Variants in DZIP1L observed in about 807,000 individuals in gnomAD.
The protein encoded by DZIP1L is DAZ interacting zinc finger protein 1 like.
A neutral mutation model predicts 88.7 loss-of-function variants in DZIP1L; 90 were observed. That is an observed-to-expected ratio of 1.02 (90% confidence interval 0.86 to 1.21). The LOEUF is 1.21. Among genes scored for constraint, DZIP1L ranks in the 50% most tolerant of loss-of-function variants. The pLI, the probability that DZIP1L is intolerant of heterozygous loss-of-function variation, is 0.00. For synonymous variants in DZIP1L, 363 were observed against 372.1 expected (o/e 0.98, Z 0.28); for missense variants, 932 against 955.8 (o/e 0.98, Z 0.33).
intron 10 of DZIP1L, 165 bp downstream of exon 10, chr3:138,080,402 T>A: frequency 1.6e-6 from 1 of 639,026 alleles, no homozygotes; most frequent in Non-Finnish European, 2.6e-6. Flanking sequence ...GCATGTCACA[T>A]GCCTGGCACA....
In DZIP1L at chr3:138,092,382, C is replaced by T. The variant is rs752577915; in HGVS notation, c.870+1G>A. 9.7e-6 allele frequency: 15 copies of T among 1,539,830 alleles called. No homozygotes were observed. The African/African-American group carries it at 1.7e-4, about 17-fold the overall frequency. ...TTTAAAAAGCCTTTTATGTTGGGTACCTCTTCTAGTGTAGAGTTCTGCTTG... is the reference window on the plus strand; with the variant it reads ...TTTAAAAAGCCTTTTATGTTGGGTATCTCTTCTAGTGTAGAGTTCTGCTTG... On this transcript the variant is annotated splice_donor_variant, in intron 5 of 15. Coordinates refer to ENST00000327532, the MANE Select transcript of DZIP1L (RefSeq NM_173543.3). LOFTEE classifies it high-confidence loss of function.
chr3:138,097,909 T>C, intron 2 of DZIP1L, 62 bp from the exon 3 acceptor site: 2 of 1,451,528 alleles, frequency 1.4e-6, no homozygotes, highest in African/African-American at 1.4e-5. Flanking sequence ...CCTGGGATTT[T>C]CCCTATATCA....
intron 12 of DZIP1L, chr3:138,069,060 C>T (rs924541189): frequency 5.6e-5 from 67 of 1,201,766 alleles, no homozygotes; most frequent in African/African-American, 2.3e-4. Flanking sequence ...CCCGAAACAA[C>T]GTGGGGTTGA....
At chr3:138,085,824 A>C (rs1430907986) in intron 7 of DZIP1L, among the ~76,000 whole-genome samples, 7 of 152,226 alleles carry the variant, frequency 4.6e-5, no homozygotes, top group Non-Finnish European at 1.0e-4. Context: ...TTATTGTGGC[A>C]CTATTCACAA....
chr3:138,073,776 C>A (rs1017307855), intron 11 of DZIP1L, among the ~76,000 whole-genome samples: 6 of 151,682 alleles, frequency 4.0e-5, no homozygotes, highest in Admixed American at 2.0e-4. Context: ...AAGGAGGGAC[C>A]AAAGAAAGGT....
chr3:138,088,736 A>T (rs1576471004), intron 5 of DZIP1L: 1 of 1,212,118 alleles, frequency 8.3e-7, no homozygotes, highest in East Asian at 3.8e-5. Context: ...TGGAAGAACA[A>T]ATTAAAGAGT....
intron 2 of DZIP1L, among the ~76,000 whole-genome samples, chr3:138,099,761 T>C (rs544377759): frequency 1.3e-5 from 2 of 152,178 alleles, no homozygotes; most frequent in Non-Finnish European, 2.9e-5. Context: ...TCTCTTGCAA[T>C]GAGCTCTGGA....
rs1287531261 is a variant in DZIP1L at position 138,097,712 on chromosome 3, C to T, written c.586+51G>A. The T allele has an allele frequency of 2.6e-6, 4 of 1,536,646 alleles. No individual in the cohort carries two copies. The Admixed American group carries it at 7.6e-5, about 29-fold the overall frequency. On this transcript the variant is annotated intron_variant, in intron 3 of 15. Coordinates refer to ENST00000327532, the MANE Select transcript of DZIP1L (RefSeq NM_173543.3). ...GGTCACCACCCACTGAATACCAGCC[C>T]CAGCCCTTTCCACAGTCCCAGAAGG...
At chr3:138,104,290 G>C (rs1395260799) in intron 1 of DZIP1L, among the ~76,000 whole-genome samples, 2 of 152,220 alleles carry the variant, frequency 1.3e-5, no homozygotes, top group Non-Finnish European at 2.9e-5. Flanking sequence ...TAAGCCTCCT[G>C]TGTCTAAGGA....
chr3:138,101,414 C>A, intron 2 of DZIP1L: 1 of 707,924 alleles, frequency 1.4e-6, no homozygotes. Context: ...TGCACAGCAG[C>A]CTCCCCCGCT....
chr3:138,099,677 G>C (rs1268556178), intron 2 of DZIP1L, among the ~76,000 whole-genome samples: 1 of 152,118 alleles, frequency 6.6e-6, no homozygotes, highest in Non-Finnish European at 1.5e-5. Flanking sequence ...TTGGGGGTGA[G>C]GGAGTTCTCA....
At chr3:138,096,535 A>G (rs1425789362) in intron 3 of DZIP1L, among the ~76,000 whole-genome samples, 1 of 152,242 alleles carries the variant, frequency 6.6e-6, no homozygotes, top group African/African-American at 2.4e-5. Context: ...ATATGATTAT[A>G]TATGTCTACG....
At chr3:138,077,446 T>C (rs961192418) in intron 11 of DZIP1L, 53 bp downstream of exon 11, 1 of 1,605,682 alleles carries the variant, frequency 6.2e-7, no homozygotes, top group Non-Finnish European at 8.5e-7. Context: ...CTGAGAACAC[T>C]TAGTGTCTAA....
Position 138,092,409 on chromosome 3 carries a change from C to T in DZIP1L, c.844G>A (p.Ala282Thr), listed in dbSNP as rs199809396. The T allele has an allele frequency of 5.8e-5, 92 of 1,599,892 alleles. No homozygotes were observed. Among genetic ancestry groups the T allele is most frequent in the Middle Eastern group, 1.7e-4 (1 of 6,056 alleles). Residue 282 changes from alanine (A) to threonine (T), a missense_variant, in exon 5 of 16, where the codon GCC becomes ACC. Coordinates refer to ENST00000327532, the MANE Select transcript of DZIP1L (RefSeq NM_173543.3). ...KLFWDEFKNV[A>T]KQNSTLEEKL... ...TCTTCTAGTGTAGAGTTCTGCTTGG[C>T]GACATTTTTAAATTCATCCCAAAAT...
At chr3:138,097,716 C>T (rs1266535369) in intron 3 of DZIP1L, 47 bp downstream of exon 3, 4 of 1,547,484 alleles carry the variant, frequency 2.6e-6, no homozygotes, top group Non-Finnish European at 3.5e-6. Context: ...CCAGCCCCAG[C>T]CCTTTCCACA....
intron 15 of DZIP1L, chr3:138,064,276 G>T: frequency 2.0e-6 from 2 of 977,206 alleles, no homozygotes; most frequent in South Asian, 1.7e-5. Flanking sequence ...TGAGGGACTG[G>T]GGAGGAGCCC....
chr3:138,086,660 A>C (rs1347434814), intron 7 of DZIP1L, among the ~76,000 whole-genome samples: 1 of 152,214 alleles, frequency 6.6e-6, no homozygotes, highest in African/African-American at 2.4e-5. Flanking sequence ...AGGTTTATCG[A>C]ACAACCCTCC....
chr3:138,067,388 C>T (rs1942956543), intron 14 of DZIP1L, 143 bp downstream of exon 14: 1 of 965,898 alleles, frequency 1.0e-6, no homozygotes, highest in South Asian at 2.2e-5. Context: ...GAGGACCATC[C>T]TTTCCAAGCC....
At chr3:138,108,692 G>C (rs1466602234) in intron 1 of DZIP1L, among the ~76,000 whole-genome samples, 1 of 152,104 alleles carries the variant, frequency 6.6e-6, no homozygotes, top group East Asian at 1.9e-4. Context: ...GGTCTCTTGT[G>C]ATCTTATACC....
Sources: gnomAD v4.1 joint callset for allele counts (sites outside exome capture counted in the v4.1 genomes callset) on GRCh38, gnomAD v4.1.1 for gene constraint, MANE v1.5 for transcripts, NCBI Gene and HGNC (gene_info 2026-07-23, HGNC 2026-07-21) for gene names.